The following ROBO1 variants were observed in gnomAD, a reference collection of about 807,000 sequenced individuals.
The protein encoded by ROBO1 is roundabout guidance receptor 1, also known as roundabout homolog 1.
A neutral mutation model predicts 195.9 loss-of-function variants in ROBO1; 149 were observed. The observed-to-expected ratio is 0.76, with a 90% CI of 0.67 to 0.87. ROBO1 has a LOEUF of 0.87. Ranked by LOEUF, ROBO1 falls within the 40% of genes least tolerant of loss-of-function variation. The pLI, the probability that ROBO1 is intolerant of heterozygous loss-of-function variation, is 0.00. For synonymous variants in ROBO1, 816 were observed against 733.2 expected, an observed-to-expected ratio of 1.11 and a Z score of -1.82; for missense variants, 1,933 against 2,068.3, an observed-to-expected ratio of 0.93 and a Z score of 1.27.
At chr3:79,110,070 A>C (rs1370146919) in intron 3 of ROBO1, among the ~76,000 whole-genome samples, 1 of 152,026 alleles carries the variant, frequency 6.6e-6, no homozygotes, top group East Asian at 1.9e-4. Context: ...CAAATTAGGA[A>C]AATTGCTTTA....
At chr3:78,952,758 G>T (rs1474393584) in intron 3 of ROBO1, among the ~76,000 whole-genome samples, 1 of 151,950 alleles carries the variant, frequency 6.6e-6, no homozygotes, top group Admixed American at 6.6e-5. Context: ...AAGGAAAATG[G>T]AATGGATTAT....
At chr3:78,933,460 T>C (rs1486242921) in intron 4 of ROBO1, among the ~76,000 whole-genome samples, 2 of 152,108 alleles carry the variant, frequency 1.3e-5, no homozygotes, top group Admixed American at 1.3e-4. Flanking sequence ...CATGCTATAT[T>C]TACTTCAAGA....
In ROBO1 at chr3:79,362,480, C is replaced by A. The variant is rs141486030; in HGVS notation, c.88+227344G>T. Among the ~76,000 whole-genome samples the A allele has an allele frequency of 3.5e-3, 534 of 152,184 alleles. 3 individuals carry two copies. Among genetic ancestry groups the A allele is most frequent in the African/African-American group, 0.012 (497 of 41,544 alleles). ...TTATAAAAGGACCTATAATTTCTCC[C>A]ACTGTAGAACCTAAATAATACAAGA... On this transcript the variant is annotated intron_variant, in intron 2 of 30. Transcript: ENST00000464233.
At chr3:79,069,026 A>G (rs1389574003) in intron 3 of ROBO1, among the ~76,000 whole-genome samples, 1 of 151,688 alleles carries the variant, frequency 6.6e-6, no homozygotes, top group Admixed American at 6.6e-5. Context: ...TTTGTATATC[A>G]CCTCAACAGA....
intron 2 of ROBO1, among the ~76,000 whole-genome samples, chr3:79,502,966 A>G (rs1359981706): frequency 6.6e-6 from 1 of 152,112 alleles, no homozygotes; most frequent in Non-Finnish European, 1.5e-5. Context: ...TCTCTGTAAA[A>G]TGGACCAATC....
intron 4 of ROBO1, among the ~76,000 whole-genome samples, chr3:78,860,329 T>TTC (rs1559934354): frequency 1.4e-5 from 2 of 143,550 alleles, no homozygotes; most frequent in African/African-American, 5.1e-5. Context: ...TATATATATT[T>TTC]TTTTTTTTTT....
chr3:79,116,358 AT>A (rs1339277674), intron 3 of ROBO1, among the ~76,000 whole-genome samples: 3 of 54,624 alleles, frequency 5.5e-5, no homozygotes, highest in East Asian at 4.3e-4. Flanking sequence ...TTTCTTTCTT[AT>A]TTTTTTCGTT....
rs1940590776 is a variant in ROBO1, at chr3:79,509,549, CTTA to C, written c.88+80272_88+80274del. 2.0e-5 allele frequency among the ~76,000 whole-genome samples: 3 copies of C among 152,210 alleles called. 1 individual carries two copies. In the South Asian group the frequency reaches 6.2e-4, roughly 32 times the overall value. Reference sequence around the variant, plus strand: ...TTTATCATTTTAAAAATATTTCCGCCTTAATACATGTGTCAATGTGTAGCTAAA... The same window carrying C: ...TTTATCATTTTAAAAATATTTCCGCCATACATGTGTCAATGTGTAGCTAAA... On this transcript the variant is annotated intron_variant, in intron 2 of 30. Transcript: ENST00000464233.
chr3:79,126,393 T>C (rs2080215587), intron 2 of ROBO1, among the ~76,000 whole-genome samples: 1 of 152,132 alleles, frequency 6.6e-6, no homozygotes, highest in Admixed American at 6.5e-5. Flanking sequence ...ACAACAACAC[T>C]CCAGTTTCCA....
At chr3:79,306,624 A>G (rs1261820537) in intron 2 of ROBO1, among the ~76,000 whole-genome samples, 1 of 152,242 alleles carries the variant, frequency 6.6e-6, no homozygotes, top group African/African-American at 2.4e-5. Context: ...GAAAAGCAAG[A>G]TATCAATATA....
chr3:79,255,848 T>C (rs1005549010), intron 2 of ROBO1, among the ~76,000 whole-genome samples: 1 of 152,116 alleles, frequency 6.6e-6, no homozygotes, highest in African/African-American at 2.4e-5. Flanking sequence ...TACTTCCCCA[T>C]AAGTGAGGTA....
At chr3:78,603,940 C>T (rs1703321843) in intron 29 of ROBO1, among the ~76,000 whole-genome samples, 1 of 152,010 alleles carries the variant, frequency 6.6e-6, no homozygotes, top group South Asian at 2.1e-4. Context: ...TACTAAATTT[C>T]TGAAGATTGA....
chr3:79,134,099 C>G (rs2080349252), intron 2 of ROBO1, among the ~76,000 whole-genome samples: 1 of 145,742 alleles, frequency 6.9e-6, no homozygotes, highest in South Asian at 2.3e-4. Context: ...AGTGAACAGG[C>G]AACCTACAAC....
At chr3:78,733,428 G>C (rs2108203110) in intron 5 of ROBO1, among the ~76,000 whole-genome samples, 1 of 151,488 alleles carries the variant, frequency 6.6e-6, no homozygotes, top group East Asian at 1.9e-4. Context: ...AATTCATTTT[G>C]CTTGATGTCC....
chr3:78,885,987 T>A (rs1056767292), intron 4 of ROBO1, among the ~76,000 whole-genome samples: 1 of 146,252 alleles, frequency 6.8e-6, no homozygotes, highest in African/African-American at 2.5e-5. Flanking sequence ...ATTTGAAGAA[T>A]AATATTACCT....
chr3:79,649,001 A>T (rs1945919090), intron 1 of ROBO1, among the ~76,000 whole-genome samples: 5 of 152,080 alleles, frequency 3.3e-5, no homozygotes, highest in Admixed American at 3.3e-4. Context: ...AACATTTTTT[A>T]AGTGTAGCTT....
chr3:78,699,264 G>T (rs2081365924), intron 8 of ROBO1, among the ~76,000 whole-genome samples: 1 of 151,936 alleles, frequency 6.6e-6, no homozygotes. Flanking sequence ...TAAAAGGCTA[G>T]GCGCAGTGGC....
intron 1 of ROBO1, among the ~76,000 whole-genome samples, chr3:79,603,024 T>C (rs764227591): frequency 2.3e-4 from 35 of 152,042 alleles, no homozygotes; most frequent in Non-Finnish European, 4.4e-4. Flanking sequence ...TAACTACTTC[T>C]GAATGTCATT....
chr3:79,040,263 A>G (rs2078462119), intron 3 of ROBO1, among the ~76,000 whole-genome samples: 1 of 152,158 alleles, frequency 6.6e-6, no homozygotes, highest in Non-Finnish European at 1.5e-5. Context: ...GTGCTGGTCA[A>G]ATGGGATAAT....
Sources: allele counts gnomAD v4.1 joint callset (sites outside exome capture counted in the v4.1 genomes callset), GRCh38; gene constraint gnomAD v4.1.1; transcripts MANE v1.5; gene names NCBI Gene and HGNC (gene_info 2026-07-23, HGNC 2026-07-21).